PIGF: variants seen among roughly 807,000 people sequenced by gnomAD.
PIGF encodes the protein phosphatidylinositol glycan anchor biosynthesis class F, also known as GPI ethanolamine phosphate transferase, stabilizing subunit.
PIGF carries 23 observed loss-of-function variants against 26.0 expected under a neutral mutation model. The observed-to-expected ratio is 0.88, with a 90% CI of 0.64 to 1.25. The LOEUF (loss-of-function observed/expected upper bound fraction) is 1.25, where lower values mean the gene tolerates loss of function less well. PIGF is among the 50% of genes most tolerant of loss of function. The probability of loss-of-function intolerance (pLI) is 0.00; values close to 1 mark genes in which losing one functional copy is unlikely to be tolerated. For synonymous variants in PIGF, 93 were observed against 92.6 expected, an observed-to-expected ratio of 1.00 and a Z score of -0.03; for missense variants, 278 against 249.9, an observed-to-expected ratio of 1.11 and a Z score of -0.76.
intron 5 of PIGF, among the ~76,000 whole-genome samples, chr2:46,587,366 T>C (rs1385860377): frequency 3.3e-5 from 5 of 152,058 alleles, no homozygotes; most frequent in African/African-American, 1.2e-4. Context: ...GAAAGAATTA[T>C]CTGTGGCATC....
At chr2:46,599,310 G>C (rs926848424) in intron 4 of PIGF, among the ~76,000 whole-genome samples, 1 of 152,044 alleles carries the variant, frequency 6.6e-6, no homozygotes, top group African/African-American at 2.4e-5. Context: ...TTATTTTCTT[G>C]ATATAGTGAG....
At chr2:46,587,332 C>T (rs954332817) in intron 5 of PIGF, among the ~76,000 whole-genome samples, 1 of 151,600 alleles carries the variant, frequency 6.6e-6, no homozygotes, top group African/African-American at 2.4e-5. Flanking sequence ...AGTTATAATC[C>T]TATGATTCCT....
chr2:46,612,551 G>A (rs1558711943), intron 3 of PIGF, among the ~76,000 whole-genome samples: 1 of 152,160 alleles, frequency 6.6e-6, no homozygotes, highest in African/African-American at 2.4e-5. Flanking sequence ...TCGCTTTAAT[G>A]ATAGATTTCA....
rs777281825 is a variant in PIGF, at chr2:46,588,144, A to G, written c.546+4331T>C. On this transcript the variant is annotated intron_variant, in intron 5 of 5. Coordinates refer to ENST00000281382, the MANE Select transcript of PIGF (RefSeq NM_002643.4). This position sits in a 1 kb window ranked among gnomAD's most constrained non-coding sequence, Gnocchi z 4.1. ...CAAGCCCCCTGCAGGGTACATGGAG[A>G]GATCTATAAGTGCTACGTTTTCTTT... 6 of 1,612,942 alleles carry G rather than the reference A, an allele frequency of 3.7e-6. No individual in the cohort carries two copies. The highest frequency in any genetic ancestry group is 4.2e-6 in the Non-Finnish European group (5 of 1,179,514).
intron 4 of PIGF, among the ~76,000 whole-genome samples, chr2:46,595,069 G>A (rs1669841633): frequency 6.6e-6 from 1 of 151,940 alleles, no homozygotes; most frequent in Non-Finnish European, 1.5e-5. Context: ...CCACAGTTAG[G>A]ATTTTTAAAA....
chr2:46,612,435 T>C, intron 3 of PIGF, 91 bp from the exon 4 acceptor site: 1 of 429,390 alleles, frequency 2.3e-6, no homozygotes, highest in African/African-American at 2.1e-5. Context: ...ATGTGAAATA[T>C]CTTCCTATGC....
intron 4 of PIGF, among the ~76,000 whole-genome samples, chr2:46,593,384 G>A (rs1360851678): frequency 6.6e-6 from 1 of 152,072 alleles, no homozygotes; most frequent in Non-Finnish European, 1.5e-5. Context: ...ACCCACCTTG[G>A]CCTCCCAAAG....
At chr2:46,582,753 A>T (rs1459243164) in intron 5 of PIGF, 3 of 152,628 alleles carry the variant, frequency 2.0e-5, no homozygotes, top group Non-Finnish European at 4.4e-5. Flanking sequence ...TTAAATGCTC[A>T]TATCAGTCAC....
rs1305607818 is a variant in PIGF at position 46,592,579 on chromosome 2, TA to T, written c.441del (p.Thr148HisfsTer17). 2 of 1,557,850 alleles carry T rather than the reference TA, an allele frequency of 1.3e-6. No individual in the cohort carries two copies. Among genetic ancestry groups the T allele is most frequent in the Admixed American group, 3.3e-5 (2 of 59,934 alleles). On this transcript the variant is annotated frameshift_variant, in exon 5 of 6. Coordinates refer to ENST00000281382, the MANE Select transcript of PIGF (RefSeq NM_002643.4). LOFTEE classifies it high-confidence loss of function. ...TGGAGACTATTCTCCCATATGGATG[TA>T]ACTCTGTGAAACACAAATTGGTACA... ...AWLRVFSRNGVTSIWENSLQI... is the reference protein window; with the variant it reads ...AWLRVFSRNGXTSIWENSLQI...
chr2:46,590,455 T>C (rs1244730217), intron 5 of PIGF, among the ~76,000 whole-genome samples: 1 of 152,154 alleles, frequency 6.6e-6, no homozygotes, highest in East Asian at 1.9e-4. Flanking sequence ...CTGCACTGTC[T>C]TGTAAACAGA....
At chr2:46,594,038 G>A (rs1214164659) in intron 4 of PIGF, among the ~76,000 whole-genome samples, 1 of 152,146 alleles carries the variant, frequency 6.6e-6, no homozygotes, top group Non-Finnish European at 1.5e-5. Flanking sequence ...TATTTGTAGG[G>A]CTTTATTATT....
At chr2:46,607,764 G>A (rs1262625773) in intron 4 of PIGF, among the ~76,000 whole-genome samples, 2 of 151,704 alleles carry the variant, frequency 1.3e-5, no homozygotes, top group Non-Finnish European at 2.9e-5. Context: ...GCACAATCTC[G>A]GCTCGCTGCA....
At chr2:46,616,918 G>T in intron 1 of PIGF, 52 bp downstream of exon 1, 3 of 409,792 alleles carry the variant, frequency 7.3e-6, no homozygotes, top group South Asian at 4.7e-5. Context: ...AATTCGCGGG[G>T]GTAGCTTGCA....
At chr2:46,594,542 T>C (rs1669821825) in intron 4 of PIGF, among the ~76,000 whole-genome samples, 1 of 151,874 alleles carries the variant, frequency 6.6e-6, no homozygotes, top group Non-Finnish European at 1.5e-5. Flanking sequence ...TAGGATTTTT[T>C]TTTTTTTTTT....
At chr2:46,599,369 T>C (rs1295761837) in intron 4 of PIGF, among the ~76,000 whole-genome samples, 1 of 152,212 alleles carries the variant, frequency 6.6e-6, no homozygotes, top group East Asian at 1.9e-4. Flanking sequence ...GAAAACTGTC[T>C]TCTATCACAT....
chr2:46,592,612 G>A (rs1249691749), intron 4 of PIGF, 29 bp from the exon 5 acceptor site: 2 of 1,123,434 alleles, frequency 1.8e-6, no homozygotes, highest in Non-Finnish European at 2.7e-6. Context: ...TACATCGTTG[G>A]TGGTATATAC....
At chr2:46,609,540 C>G (rs1670338363) in intron 4 of PIGF, among the ~76,000 whole-genome samples, 1 of 152,252 alleles carries the variant, frequency 6.6e-6, no homozygotes, top group African/African-American at 2.4e-5. Context: ...TTCTTGACAA[C>G]TTAACTTTTT....
rs1669355986 is a variant in PIGF, at chr2:46,581,221, A to G, written c.*257T>C. ...AAACAAAACCTGTCCTCAGAATTCT[A>G]TAAAGTGTATTAAGAATGTTCCTTA... On this transcript the variant is annotated 3_prime_UTR_variant, in exon 6 of 6. Transcript: ENST00000281382. 8 of 980,038 alleles carry G rather than the reference A, an allele frequency of 8.2e-6. No homozygotes were observed. The highest frequency in any genetic ancestry group is 1.2e-5 in the Non-Finnish European group (8 of 680,284). 60.7% of individuals were successfully genotyped at this position (980,038 alleles called of 1,614,324 possible).
intron 4 of PIGF, among the ~76,000 whole-genome samples, chr2:46,608,124 T>C (rs1670282530): frequency 6.6e-6 from 1 of 152,252 alleles, no homozygotes; most frequent in Non-Finnish European, 1.5e-5. Flanking sequence ...AGACCTTCTT[T>C]CAAAATTGGA....
Sources: gnomAD v4.1 joint callset for allele counts (sites outside exome capture counted in the v4.1 genomes callset) on GRCh38, gnomAD v4.1.1 for gene constraint, Gnocchi (gnomAD v3.1) non-coding constraint, MANE v1.5 for transcripts, NCBI Gene and HGNC (gene_info 2026-07-23, HGNC 2026-07-21) for gene names.